Variants in POP1 observed in about 807,000 individuals in gnomAD.
The protein encoded by POP1 is ribonucleases P/MRP protein subunit POP1.
POP1 carries 75 observed loss-of-function variants against 102.2 expected under a neutral mutation model. That is an observed-to-expected ratio of 0.73 (90% confidence interval 0.61 to 0.89). The LOEUF is 0.89. Among genes scored for constraint, POP1 ranks in the 40% least tolerant of loss-of-function variants. The pLI is 0.00. For missense variants in POP1, 1,116 were observed against 1,267.4 expected, an observed-to-expected ratio of 0.88 and a Z score of 1.81; for synonymous variants, 436 against 464.1, an observed-to-expected ratio of 0.94 and a Z score of 0.78.
intron 9 of POP1, among the ~76,000 whole-genome samples, chr8:98,139,216 C>A (rs1816637292): frequency 1.3e-5 from 2 of 152,152 alleles, no homozygotes; most frequent in African/African-American, 4.8e-5. Flanking sequence ...TGAGTTGTGG[C>A]TATAGATTCC....
Position 98,158,276 on chromosome 8 carries a change from G to A in POP1, c.*5G>A, listed in dbSNP as rs181502091. 9.8e-5 allele frequency: 158 copies of A among 1,607,148 alleles called. No individual in the cohort carries two copies. The African/African-American group carries it at 1.7e-3, about 17-fold the overall frequency. ...AGGATTGCTATTGAGGTGTGAATGC[G>A]TGCTTGTATCCCAGCAGGGCATAGA... On this transcript the variant is annotated 3_prime_UTR_variant, in exon 16 of 16. Coordinates refer to ENST00000401707, the MANE Select transcript of POP1 (RefSeq NM_001145860.2).
chr8:98,122,707 T>G (rs1475995366), intron 1 of POP1, among the ~76,000 whole-genome samples: 2 of 152,222 alleles, frequency 1.3e-5, no homozygotes, highest in Non-Finnish European at 2.9e-5. Context: ...GTCTCCTTTA[T>G]GTTACATTTA....
At chr8:98,138,812 G>A (rs1349571525) in intron 9 of POP1, among the ~76,000 whole-genome samples, 2 of 147,980 alleles carry the variant, frequency 1.4e-5, no homozygotes, top group Non-Finnish European at 3.0e-5. Flanking sequence ...TGCTACCTGA[G>A]TTTCTGTGAG....
In POP1 at chr8:98,156,018, C is replaced by T. The variant is rs1809638453; in HGVS notation, c.2058-32C>T. On this transcript the variant is annotated intron_variant, in intron 14 of 15. Coordinates refer to ENST00000401707, the MANE Select transcript of POP1 (RefSeq NM_001145860.2). ...TTTAGTTTTCCAATCCTAAATTGTT[C>T]AACATTGGTTCTCCTGTATGTTTTT... is the stretch of plus-strand genomic sequence containing the variant. 1.9e-6 allele frequency: 3 copies of T among 1,572,578 alleles called. No individual in the cohort carries two copies. The African/African-American group carries it at 4.1e-5, about 21-fold the overall frequency.
intron 11 of POP1, among the ~76,000 whole-genome samples, chr8:98,144,520 C>T (rs530554843): frequency 6.6e-6 from 1 of 152,274 alleles, no homozygotes; most frequent in African/African-American, 2.4e-5. Context: ...AGTGATCCTC[C>T]CATCTCAGCC....
In POP1 at chr8:98,156,405, G is replaced by A. The variant is rs556256778; in HGVS notation, c.2413G>A (p.Val805Ile). The part of the protein sequence containing the change: ...HVAATGSHLC[V>I]LRSRKLLKQL... ...TGCTGCCACAGGGAGTCACCTCTGC[G>A]TTCTCAGGTAAGTGTCGGTGACTTC... Residue 805 changes from valine (V) to isoleucine (I), a missense_variant, in exon 15 of 16, where the codon GTT becomes ATT. Transcript: ENST00000401707. The A allele has an allele frequency of 4.8e-5, 78 of 1,613,610 alleles. No individual in the cohort carries two copies. The East Asian group carries it at 5.1e-4, about 11-fold the overall frequency.
Position 98,133,971 on chromosome 8 carries a change from T to C in POP1, c.758T>C (p.Leu253Ser), listed in dbSNP as rs1816456596. The change falls in exon 6 of 16, where the codon TTG (leucine) becomes TCG (serine). Residue 253 changes from leucine to serine, a missense_variant. By Grantham distance (145) the Leu-to-Ser change is moderately radical. Coordinates refer to ENST00000401707, the MANE Select transcript of POP1 (RefSeq NM_001145860.2). Reference protein sequence around the residue: ...LLQDLSYYCCLELKGKEEEIL... With the variant: ...LLQDLSYYCCSELKGKEEEIL... ...CAGGATTTATCCTATTACTGTTGTT[T>C]GGAGTTGAAAGGCAAAGAGGAAGAA... 1 of 1,613,280 alleles carries C rather than the reference T, an allele frequency of 6.2e-7. No individual in the cohort carries two copies. Among genetic ancestry groups the C allele is most frequent in the Non-Finnish European group, 8.5e-7 (1 of 1,179,334 alleles).
chr8:98,153,529 G>GAC (rs1434436115), intron 14 of POP1, among the ~76,000 whole-genome samples: 3 of 76,052 alleles, frequency 3.9e-5, no homozygotes, highest in Non-Finnish European at 7.1e-5. Context: ...AAACAGTTCT[G>GAC]ACTCTTTTTT....
At position 98,130,225 on chromosome 8, in the gene POP1, A is replaced by C; in HGVS notation, c.734A>C (p.Gln245Pro). The C allele has an allele frequency of 6.2e-7, 1 of 1,614,200 alleles. No homozygotes were observed. Among genetic ancestry groups the C allele is most frequent in the East Asian group, 2.2e-5 (1 of 44,884 alleles). ...YRAMTNRCLL[Q>P]DLSYYCCLEL... is the part of the protein sequence containing the mutation. ...GCCATGACGAACCGGTGCCTCCTGCAGGTGAGCTTTTCCAGTGGGCTTTTT... is the reference window on the plus strand; with the variant it reads ...GCCATGACGAACCGGTGCCTCCTGCCGGTGAGCTTTTCCAGTGGGCTTTTT... Residue 245 changes from glutamine (Q) to proline (P), a missense_variant and splice_region_variant, in exon 5 of 16, where the codon CAG becomes CCG. Transcript: ENST00000401707.
chr8:98,145,975 CAG>C (rs1167690200), intron 11 of POP1, among the ~76,000 whole-genome samples: 1 of 152,038 alleles, frequency 6.6e-6, no homozygotes, highest in Non-Finnish European at 1.5e-5. Flanking sequence ...AATAGGTTAT[CAG>C]AGACTTAAAA....
intron 15 of POP1, 112 bp from the exon 16 acceptor site, chr8:98,157,505 T>G: frequency 1.6e-6 from 2 of 1,273,516 alleles, no homozygotes; most frequent in Non-Finnish European, 2.2e-6. Flanking sequence ...GTAGTTTTGA[T>G]TCTTATATAG....
rs1288004007 is a variant in POP1 at position 98,159,759 on chromosome 8, C to G, written c.*1488C>G. 6.7e-6 allele frequency: 1 copy of G among 148,908 alleles called. No homozygotes were observed. Among genetic ancestry groups the G allele is most frequent in the African/African-American group, 2.6e-5 (1 of 39,026 alleles). The allele number at this position is 148,908 out of a possible 1,614,324, so 9.2% of individuals were successfully genotyped here. On this transcript the variant is annotated 3_prime_UTR_variant, in exon 16 of 16. Transcript: ENST00000401707. Reference sequence around the variant, plus strand: ...TGCCTCTGAATGTCTTTGGATCCAACCCAGATGAGACTGAAAAAAAAAAAA... The same window carrying G: ...TGCCTCTGAATGTCTTTGGATCCAAGCCAGATGAGACTGAAAAAAAAAAAA...
At chr8:98,130,735 C>T (rs1816358579) in intron 5 of POP1, among the ~76,000 whole-genome samples, 1 of 152,190 alleles carries the variant, frequency 6.6e-6, no homozygotes, top group Non-Finnish European at 1.5e-5. Context: ...ATTAATCTAA[C>T]AGTCGTTCAT....
At chr8:98,128,327 A>G (rs1277137697) in intron 3 of POP1, 38 bp from the exon 4 acceptor site, 2 of 1,602,188 alleles carry the variant, frequency 1.2e-6, no homozygotes, top group Admixed American at 1.7e-5. Flanking sequence ...TGTTAATTCA[A>G]GATTGGTGTT....
intron 9 of POP1, among the ~76,000 whole-genome samples, chr8:98,139,146 C>T (rs28655431): frequency 0.13 from 20,116 of 152,148 alleles, 1,442 homozygotes; most frequent in Middle Eastern, 0.26. Context: ...CCACTGCACC[C>T]GGCCATGATT....
Position 98,158,275 on chromosome 8 carries a change from C to G in POP1, c.*4C>G. 1.2e-6 allele frequency: 2 copies of G among 1,607,250 alleles called. No homozygotes were observed. The highest frequency in any genetic ancestry group is 1.7e-6 in the Non-Finnish European group (2 of 1,179,972). On this transcript the variant is annotated 3_prime_UTR_variant, in exon 16 of 16. Transcript: ENST00000401707. ...GAGGATTGCTATTGAGGTGTGAATGCGTGCTTGTATCCCAGCAGGGCATAG... is the reference window on the plus strand; with the variant it reads ...GAGGATTGCTATTGAGGTGTGAATGGGTGCTTGTATCCCAGCAGGGCATAG...
chr8:98,146,053 AAAGCCCTG>A (rs1282426192), intron 11 of POP1, among the ~76,000 whole-genome samples: 2 of 152,254 alleles, frequency 1.3e-5, no homozygotes, highest in Non-Finnish European at 2.9e-5. Context: ...AATGATACAC[AAAGCCCTG>A]AAGCCAGTAG....
chr8:98,158,365 A>T lies in POP1; in HGVS notation c.*94A>T. 1 of 1,360,688 alleles carries T rather than the reference A, an allele frequency of 7.3e-7. No individual in the cohort carries two copies. Among genetic ancestry groups the T allele is most frequent in the Non-Finnish European group, 1.0e-6 (1 of 965,944 alleles). The allele number at this position is 1,360,688 out of a possible 1,614,324, so 84.3% of individuals were successfully genotyped here. A position where few individuals can be genotyped will look rare whatever the true frequency, so the allele number is the denominator to read the frequency against. On this transcript the variant is annotated 3_prime_UTR_variant, in exon 16 of 16. Transcript: ENST00000401707. ...GAATCTGCTTCTGCTTTAAAATATC[A>T]TGTGAAACTCCCTGGAAACAAGAAT... is the stretch of plus-strand genomic sequence containing the variant.
intron 14 of POP1, 21 bp downstream of exon 14, chr8:98,150,660 A>T (rs4735530): frequency 6.2e-7 from 1 of 1,612,044 alleles, no homozygotes. Flanking sequence ...GGCTTCTCTA[A>T]TTTGATAATG....
Sources: gnomAD v4.1 joint callset for allele counts (sites outside exome capture counted in the v4.1 genomes callset) on GRCh38, gnomAD v4.1.1 for gene constraint, MANE v1.5 for transcripts, NCBI Gene and HGNC (gene_info 2026-07-23, HGNC 2026-07-21) for gene names.